WWOX: variants seen among roughly 807,000 people sequenced by gnomAD.
WWOX encodes WW domain containing oxidoreductase.
In WWOX, 69 loss-of-function variants were observed where a neutral mutation model predicts 46.2. The observed-to-expected ratio is 1.49, with a 90% CI of 1.23 to 1.82. WWOX has a LOEUF of 1.82. WWOX is among the 40% of genes most tolerant of loss of function. The pLI is 0.00. For synonymous variants in WWOX, 359 were observed against 202.6 expected (o/e 1.77, Z -6.56); for missense variants, 919 against 542.6 (o/e 1.69, Z -6.89).
intron 8 of WWOX, chr16:78,552,370 G>A (rs142746034): frequency 1.1e-4 from 16 of 152,240 alleles, no homozygotes; most frequent in African/African-American, 3.9e-4. Flanking sequence ...GAATCTTAAT[G>A]AATAAAAGCA....
chr16:78,716,046 G>C (rs764159697), intron 8 of WWOX, among the ~76,000 whole-genome samples: 2 of 151,418 alleles, frequency 1.3e-5, no homozygotes, highest in Non-Finnish European at 2.9e-5. Flanking sequence ...TTATCATCAA[G>C]AGGAATGTCT....
chr16:78,434,153 T>C (rs1015557787), intron 8 of WWOX, among the ~76,000 whole-genome samples: 3 of 152,186 alleles, frequency 2.0e-5, no homozygotes, highest in Non-Finnish European at 4.4e-5. Context: ...TAAGTAAGTA[T>C]ATCTTTTATT....
chr16:78,698,315 G>A (rs2048142878), intron 8 of WWOX, among the ~76,000 whole-genome samples: 1 of 152,196 alleles, frequency 6.6e-6, no homozygotes, highest in Non-Finnish European at 1.5e-5. Flanking sequence ...CAGACGAAGG[G>A]AGATGAGAGA....
At chr16:78,700,009 C>A (rs1013672299) in intron 8 of WWOX, among the ~76,000 whole-genome samples, 1 of 151,886 alleles carries the variant, frequency 6.6e-6, no homozygotes, top group African/African-American at 2.4e-5. Context: ...CGCAGAGGGT[C>A]CTGCGGTGGG....
intron 8 of WWOX, among the ~76,000 whole-genome samples, chr16:78,846,628 T>A (rs988211091): frequency 6.6e-6 from 1 of 152,180 alleles, no homozygotes; most frequent in Non-Finnish European, 1.5e-5. Flanking sequence ...TTATTACTAG[T>A]GATGTTAGCC....
intron 8 of WWOX, among the ~76,000 whole-genome samples, chr16:78,562,477 A>C (rs2044462619): frequency 6.6e-6 from 1 of 152,176 alleles, no homozygotes; most frequent in African/African-American, 2.4e-5. Context: ...CAAGGCCCCT[A>C]ACCTCCCAGG....
intron 5 of WWOX, among the ~76,000 whole-genome samples, chr16:78,232,211 A>G (rs1038830022): frequency 3.9e-5 from 6 of 152,338 alleles, no homozygotes; most frequent in African/African-American, 1.4e-4. Flanking sequence ...TTACAATTGA[A>G]GAATTTCAGG....
intron 8 of WWOX, among the ~76,000 whole-genome samples, chr16:78,546,385 A>T (rs1050973486): frequency 4.6e-4 from 70 of 152,278 alleles, no homozygotes; most frequent in African/African-American, 1.6e-3. Context: ...AGGTTTCGGG[A>T]CTTGAAAGGC....
chr16:78,950,811 A>G (rs78695874), intron 8 of WWOX, among the ~76,000 whole-genome samples: 18,368 of 152,138 alleles, frequency 0.12, 1,178 homozygotes, highest in Middle Eastern at 0.24. Context: ...GAAGGTTGGC[A>G]CCTTTGGGGA....
intron 8 of WWOX, among the ~76,000 whole-genome samples, chr16:78,607,645 T>TTC (rs943143308): frequency 1.7e-4 from 4 of 23,002 alleles, no homozygotes; most frequent in African/African-American, 2.4e-4. Flanking sequence ...TTTGTTCTTC[T>TTC]TTTTTTTTTT....
chr16:79,164,974 G>C (rs1343038479), intron 8 of WWOX, among the ~76,000 whole-genome samples: 2 of 152,078 alleles, frequency 1.3e-5, no homozygotes, highest in African/African-American at 2.4e-5. Context: ...TCTAATTCAT[G>C]TATAAACAGT....
chr16:78,459,681 C>T (rs753220928), intron 8 of WWOX, among the ~76,000 whole-genome samples: 10 of 152,148 alleles, frequency 6.6e-5, no homozygotes, highest in African/African-American at 1.7e-4. Context: ...TCTTGGAAGT[C>T]GTCTTCTGGT....
chr16:78,938,605 T>C (rs1021901161), intron 8 of WWOX, among the ~76,000 whole-genome samples: 8 of 152,166 alleles, frequency 5.3e-5, no homozygotes, highest in African/African-American at 1.9e-4. Flanking sequence ...GGCATTTTAG[T>C]TTATTCATTC....
intron 5 of WWOX, among the ~76,000 whole-genome samples, chr16:78,319,655 C>T (rs1185956443): frequency 2.0e-5 from 3 of 152,156 alleles, no homozygotes; most frequent in Non-Finnish European, 4.4e-5. Context: ...ATTAATGTGT[C>T]ACATAGCAAT....
chr16:78,981,831 A>C (rs983081569), intron 8 of WWOX: 9 of 152,314 alleles, frequency 5.9e-5, no homozygotes, highest in African/African-American at 1.9e-4. Flanking sequence ...CCTGAGTTAC[A>C]CTGAAGATGG....
At chr16:78,512,213 A>G (rs528236159) in intron 8 of WWOX, among the ~76,000 whole-genome samples, 72 of 152,358 alleles carry the variant, frequency 4.7e-4, no homozygotes, top group Non-Finnish European at 7.6e-4. Flanking sequence ...AGCCATATAC[A>G]TGGAGAAGAA....
At chr16:78,631,823 G>A (rs2046439032) in intron 8 of WWOX, among the ~76,000 whole-genome samples, 1 of 152,154 alleles carries the variant, frequency 6.6e-6, no homozygotes, top group African/African-American at 2.4e-5. Context: ...ACCATACCCA[G>A]CCAAAATATT....
chr16:78,213,350 G>C (rs1020117969), intron 5 of WWOX, among the ~76,000 whole-genome samples: 3 of 151,790 alleles, frequency 2.0e-5, no homozygotes, highest in African/African-American at 7.3e-5. Context: ...AGGGAGCATG[G>C]GGGATTAGTG....
At chr16:78,544,919 A>G (rs1272774316) in intron 8 of WWOX, among the ~76,000 whole-genome samples, 1 of 151,620 alleles carries the variant, frequency 6.6e-6, no homozygotes, top group African/African-American at 2.4e-5. Context: ...GCTCCTGCCT[A>G]TAATCCTAGC....
Sources: gnomAD v4.1 joint callset for allele counts (sites outside exome capture counted in the v4.1 genomes callset) on GRCh38, gnomAD v4.1.1 for gene constraint, MANE v1.5 for transcripts, NCBI Gene and HGNC (gene_info 2026-07-23, HGNC 2026-07-21) for gene names.